Variants in KDM5B observed in about 807,000 individuals in gnomAD.
The protein encoded by KDM5B is lysine demethylase 5B.
In KDM5B, 144 loss-of-function variants were observed where a neutral mutation model predicts 193.4. The observed-to-expected ratio is 0.74, with a 90% CI of 0.65 to 0.86. The LOEUF is 0.86. KDM5B is among the 40% of genes least tolerant of loss of function. The pLI is 0.00. For synonymous variants in KDM5B, 668 were observed against 682.6 expected, an observed-to-expected ratio of 0.98 and a Z score of 0.33; for missense variants, 1,833 against 1,886.9, an observed-to-expected ratio of 0.97 and a Z score of 0.53.
At chr1:202,766,202 G>A (rs1475726372) in intron 5 of KDM5B, among the ~76,000 whole-genome samples, 3 of 152,120 alleles carry the variant, frequency 2.0e-5, no homozygotes, top group African/African-American at 2.4e-5. Context: ...GTGAAAGAGC[G>A]AGACCACCTA....
At chr1:202,765,126 C>G (rs919035144) in intron 5 of KDM5B, among the ~76,000 whole-genome samples, 1 of 152,172 alleles carries the variant, frequency 6.6e-6, no homozygotes, top group Non-Finnish European at 1.5e-5. Context: ...TGTCATAACT[C>G]CATTAGCCTC....
rs1387561484 is a variant in KDM5B, at chr1:202,733,771, A to G, written c.3539T>C (p.Leu1180Pro). The part of the protein sequence containing the change: ...PLQDVDIKIC[L>P]CQKAPAAPMI... ...AGGGGCAGCTGGGGCCTTCTGACAT[A>G]GGCAGATTTTTATATCCACATCTTG... Residue 1180 changes from leucine (L) to proline (P), a missense_variant, in exon 23 of 27, where the codon CTA (leucine) becomes CCA (proline). Physicochemically the swap from Leu to Pro is moderately conservative, Grantham distance 98. Coordinates refer to ENST00000367265, the MANE Select transcript of KDM5B (RefSeq NM_006618.5). 6.2e-7 allele frequency: 1 copy of G among 1,614,164 alleles called. No homozygotes were observed. Among genetic ancestry groups the G allele is most frequent in the Non-Finnish European group, 8.5e-7 (1 of 1,180,022 alleles).
At chr1:202,747,591 A>G (rs1243520026) in intron 14 of KDM5B, among the ~76,000 whole-genome samples, 1 of 151,480 alleles carries the variant, frequency 6.6e-6, no homozygotes. Flanking sequence ...AAAAAACAGT[A>G]TTACTATTTG....
Position 202,741,511 on chromosome 1 carries a change from G to T in KDM5B, c.2801C>A (p.Thr934Asn). The T allele has an allele frequency of 6.2e-7, 1 of 1,614,248 alleles. No individual in the cohort carries two copies. The highest frequency in any genetic ancestry group is 8.5e-7 in the Non-Finnish European group (1 of 1,180,048). The stretch of plus-strand genomic sequence containing the variant: ...TATGAGACGTCTCATATCATCTAAA[G>T]TAAGGGAGCTGGGGTCTAGGCAAGC... ...QQACLDPSSL[T>N]LDDMRRLIDL... Residue 934 changes from threonine to asparagine, a missense_variant, in exon 19 of 27, where the codon ACT (threonine) becomes AAT (asparagine). Physicochemically the swap from Thr to Asn is moderately conservative, Grantham distance 65 (BLOSUM62 0). Coordinates refer to ENST00000367265, the MANE Select transcript of KDM5B (RefSeq NM_006618.5).
chr1:202,739,970 G>A (rs1655244671), intron 20 of KDM5B, among the ~76,000 whole-genome samples: 1 of 152,160 alleles, frequency 6.6e-6, no homozygotes, highest in African/African-American at 2.4e-5. Flanking sequence ...ATCCCGGCCC[G>A]TTCTCAATGA....
intron 12 of KDM5B, 59 bp downstream of exon 12, chr1:202,752,846 A>T: frequency 6.8e-7 from 1 of 1,479,154 alleles, no homozygotes; most frequent in Non-Finnish European, 9.3e-7. Flanking sequence ...GTGAATAAAA[A>T]GGAAAAAGAG....
At position 202,726,037 on chromosome 1, in the gene KDM5B, A is replaced by G. The variant is rs4950740; in HGVS notation, c.*2999T>C. The G allele has an allele frequency of 0.78, 117,971 of 152,096 alleles. 46,929 individuals carry two copies. Among genetic ancestry groups the G allele is most frequent in the Admixed American group, 0.86 (13,194 of 15,292 alleles). The allele number at this position is 152,096 out of a possible 1,614,324, so 9.4% of individuals were successfully genotyped here. A position where few individuals can be genotyped will look rare whatever the true frequency, so the allele number is the denominator to read the frequency against. Reference sequence around the variant, plus strand: ...GGGCCTTCAGAGTACAACCCAAATCAGTAGAGAGCCATGTTTCACCCTCTT... The same window carrying G: ...GGGCCTTCAGAGTACAACCCAAATCGGTAGAGAGCCATGTTTCACCCTCTT... On this transcript the variant is annotated 3_prime_UTR_variant, in exon 27 of 27. Coordinates refer to ENST00000367265, the MANE Select transcript of KDM5B (RefSeq NM_006618.5).
At chr1:202,746,011 TGAGACGTGTAGCTTTG>T (rs776012830) in intron 15 of KDM5B, 29 bp from the exon 16 acceptor site, 6 of 1,613,218 alleles carry the variant, frequency 3.7e-6, no homozygotes, top group Non-Finnish European at 5.1e-6. Flanking sequence ...CACTTAGCTT[TGAGACGTGTAGCTTTG>T]GAGAAAACTA....
chr1:202,784,890 C>T (rs1657343163), intron 1 of KDM5B, among the ~76,000 whole-genome samples: 1 of 151,678 alleles, frequency 6.6e-6, no homozygotes, highest in African/African-American at 2.4e-5. Context: ...AAAAATTGGC[C>T]GGGCATTGTG....
Position 202,773,128 on chromosome 1 carries a change from T to G in KDM5B, c.566A>C (p.Asp189Ala), listed in dbSNP as rs1164426206. 5 of 1,611,616 alleles carry G rather than the reference T, an allele frequency of 3.1e-6. No homozygotes were observed. Reference sequence around the variant, plus strand: ...AGCCCCCAAACTTACCCTTAGGCTGTCTCCGGACAGGAATAAGTTGTAGGG... The same window carrying G: ...AGCCCCCAAACTTACCCTTAGGCTGGCTCCGGACAGGAATAAGTTGTAGGG... ...LNPYNLFLSG[D>A]SLRCLQKPNL... Residue 189 changes from aspartate to alanine, a missense_variant, in exon 4 of 27, where the codon GAC becomes GCC. Coordinates refer to ENST00000367265, the MANE Select transcript of KDM5B (RefSeq NM_006618.5).
At chr1:202,778,837 G>A (rs189825818) in intron 1 of KDM5B, among the ~76,000 whole-genome samples, 1 of 152,106 alleles carries the variant, frequency 6.6e-6, no homozygotes, top group Non-Finnish European at 1.5e-5. Context: ...GGTCAGGCTG[G>A]TCTCAAACTC....
At chr1:202,787,601 A>G (rs1657460850) in intron 1 of KDM5B, among the ~76,000 whole-genome samples, 1 of 152,002 alleles carries the variant, frequency 6.6e-6, no homozygotes, top group Non-Finnish European at 1.5e-5. Flanking sequence ...AAAGTATGTG[A>G]AGTAGGCCGG....
At chr1:202,796,082 A>G (rs1451595480) in intron 1 of KDM5B, 1 of 203,846 alleles carries the variant, frequency 4.9e-6, no homozygotes, top group Non-Finnish European at 9.9e-6. Flanking sequence ...TGGTGGTCTC[A>G]CGTTTCAAGG....
At position 202,808,279 on chromosome 1, in the gene KDM5B, T is replaced by C; in HGVS notation, c.27A>G (p.Pro9=). ...CGAGGGGCAGCGCCGGGCGCGGGCC[T>C]GGGTGCAGTGTGGTGGCCGCCTCCA... MEAATTLH[P]GPRPALPLGG... Residue 9 remains proline (P), a synonymous_variant, in exon 1 of 27, where the codon CCA becomes CCG. Coordinates refer to ENST00000367265, the MANE Select transcript of KDM5B (RefSeq NM_006618.5). 1 of 1,606,456 alleles carries C rather than the reference T, an allele frequency of 6.2e-7. No individual in the cohort carries two copies. The highest frequency in any genetic ancestry group is 8.5e-7 in the Non-Finnish European group (1 of 1,177,268).
At chr1:202,791,666 C>T (rs111935353) in intron 1 of KDM5B, among the ~76,000 whole-genome samples, 52 of 152,246 alleles carry the variant, frequency 3.4e-4, no homozygotes, top group Admixed American at 2.9e-3. Context: ...TCCTTGCATA[C>T]GTCATACTTG....
intron 9 of KDM5B, among the ~76,000 whole-genome samples, chr1:202,756,827 A>G (rs1287373445): frequency 6.6e-6 from 1 of 152,248 alleles, no homozygotes; most frequent in Non-Finnish European, 1.5e-5. Context: ...TGAATGACGT[A>G]TAGCACTGTA....
rs1246364540 is a variant in KDM5B at position 202,742,704 on chromosome 1, T to C, written c.2425A>G (p.Lys809Glu). The change falls in exon 17 of 27, where the codon AAG (lysine) becomes GAG (glutamate). Residue 809 changes from lysine (K) to glutamate (E), a missense_variant. Physicochemically the swap from Lys to Glu is moderately conservative, Grantham distance 56. Around this residue, in one of 3 missense-constraint regions of KDM5B, gnomAD observed 1,379 missense variants for 1,349.6 expected, o/e 1.02. Transcript: ENST00000367265. Reference protein sequence around the residue: ...HLRLVTQDAEKCASVAQQLLN... With the variant: ...HLRLVTQDAEECASVAQQLLN... ...AACTGCTGCGCAACAGAGGCACACTTCTCTGCATCCTGTGTGACTAGGCGA... is the reference window on the plus strand; with the variant it reads ...AACTGCTGCGCAACAGAGGCACACTCCTCTGCATCCTGTGTGACTAGGCGA... 6.4e-5 allele frequency: 103 copies of C among 1,614,068 alleles called. No individual in the cohort carries two copies. The highest frequency in any genetic ancestry group is 8.6e-5 in the Non-Finnish European group (101 of 1,180,032).
At position 202,727,016 on chromosome 1, in the gene KDM5B, G is replaced by A. The variant is rs1371693969; in HGVS notation, c.*2020C>T. ...GCCTACCTTTTCTAACTCACTCAGAGATACAAAGATCTGACTTCCTCAAAG... is the reference window on the plus strand; with the variant it reads ...GCCTACCTTTTCTAACTCACTCAGAAATACAAAGATCTGACTTCCTCAAAG... On this transcript the variant is annotated 3_prime_UTR_variant, in exon 27 of 27. Coordinates refer to ENST00000367265, the MANE Select transcript of KDM5B (RefSeq NM_006618.5). The A allele has an allele frequency of 6.6e-6, 1 of 152,328 alleles. No individual in the cohort carries two copies. The highest frequency in any genetic ancestry group is 3.4e-3 in the Middle Eastern group (1 of 294). 9.4% of individuals were successfully genotyped at this position (152,328 alleles called of 1,614,324 possible).
At chr1:202,773,064 A>C in intron 4 of KDM5B, 54 bp downstream of exon 4, 2 of 1,224,444 alleles carry the variant, frequency 1.6e-6, no homozygotes, top group Non-Finnish European at 2.4e-6. Context: ...CTGAAAAGAC[A>C]ATGTACCAAT....
Sources: gnomAD v4.1 joint callset for allele counts (sites outside exome capture counted in the v4.1 genomes callset) on GRCh38, gnomAD v4.1.1 for gene constraint, gnomAD v4.1.1 regional missense constraint, MANE v1.5 for transcripts, NCBI Gene and HGNC (gene_info 2026-07-23, HGNC 2026-07-21) for gene names.